Variants in NCOA2 observed in about 807,000 individuals in gnomAD.
NCOA2 encodes the protein nuclear receptor coactivator 2.
Under a neutral mutation model 145.1 loss-of-function variants are expected in NCOA2, and 21 were observed. That is an observed-to-expected ratio of 0.14 (90% CI 0.10 to 0.21). The LOEUF is 0.21. Among genes scored for constraint, NCOA2 ranks in the 10% least tolerant of loss-of-function variants. The pLI, the probability that NCOA2 is intolerant of heterozygous loss-of-function variation, is 1.00. For missense variants in NCOA2, 1,472 were observed against 1,837.6 expected (o/e 0.80, Z 3.64); for synonymous variants, 619 against 637.5 (o/e 0.97, Z 0.44).
At chr8:70,338,105 A>C (rs1311711047) in intron 1 of NCOA2, among the ~76,000 whole-genome samples, 1 of 151,606 alleles carries the variant, frequency 6.6e-6, no homozygotes, top group African/African-American at 2.4e-5. Context: ...CAATTGAAGG[A>C]GATAGAGACA....
intron 2 of NCOA2, among the ~76,000 whole-genome samples, chr8:70,222,485 C>G (rs1820237459): frequency 6.6e-6 from 1 of 152,192 alleles, no homozygotes; most frequent in Non-Finnish European, 1.5e-5. Context: ...ATTCCTTCCT[C>G]TCAGTATCGT....
chr8:70,243,507 T>G (rs548958683), intron 2 of NCOA2, among the ~76,000 whole-genome samples: 138 of 152,178 alleles, frequency 9.1e-4, no homozygotes, highest in African/African-American at 3.0e-3. Context: ...TGGCTTGTAA[T>G]AATAATAGGT....
At chr8:70,365,795 G>A (rs1171414572) in intron 1 of NCOA2, among the ~76,000 whole-genome samples, 1 of 152,060 alleles carries the variant, frequency 6.6e-6, no homozygotes, top group African/African-American at 2.4e-5. Context: ...AATGAAAAGG[G>A]AGAAAAAAGA....
At chr8:70,234,825 A>T (rs1402995527) in intron 2 of NCOA2, among the ~76,000 whole-genome samples, 1 of 152,222 alleles carries the variant, frequency 6.6e-6, no homozygotes, top group Admixed American at 6.5e-5. Context: ...CAACTTTTCC[A>T]AAATGTCACT....
chr8:70,119,067 G>A (rs911361066), intron 22 of NCOA2, among the ~76,000 whole-genome samples: 2 of 152,112 alleles, frequency 1.3e-5, no homozygotes, highest in Non-Finnish European at 2.9e-5. Context: ...AATGCATAGT[G>A]AGGGATCAAG....
At chr8:70,442,120 A>AAAGAAAGAAAGAAAG in the NCOA2 span, among the ~76,000 whole-genome samples, 54 of 91,670 alleles carry the variant, frequency 5.9e-4, no homozygotes, top group East Asian at 4.6e-3. Flanking sequence ...AAGAAAGAAG[A>AAAGAAAGAAAGAAAG]AAGAAAGAAA....
intron 1 of NCOA2, among the ~76,000 whole-genome samples, chr8:70,317,134 T>A (rs1200038238): frequency 6.6e-6 from 1 of 152,224 alleles, no homozygotes; most frequent in African/African-American, 2.4e-5. Context: ...AATGAGTGGC[T>A]ATGATTGCAG....
intron 12 of NCOA2, among the ~76,000 whole-genome samples, chr8:70,145,210 T>A (rs1234752027): frequency 2.0e-5 from 3 of 152,222 alleles, no homozygotes; most frequent in Admixed American, 6.5e-5. Context: ...CAAGCTAGAG[T>A]GCAATGGCAC....
intron 4 of NCOA2, among the ~76,000 whole-genome samples, chr8:70,206,737 C>T (rs529361413): frequency 8.5e-5 from 13 of 152,296 alleles, no homozygotes; most frequent in Admixed American, 3.3e-4. Context: ...GCCTCAAATC[C>T]AACCAAGTGC....
the NCOA2 span, among the ~76,000 whole-genome samples, chr8:70,446,859 T>C: frequency 6.6e-6 from 1 of 152,234 alleles, no homozygotes; most frequent in Non-Finnish European, 1.5e-5. Flanking sequence ...CAAGATTTGA[T>C]GTTCACCCCA....
intron 4 of NCOA2, among the ~76,000 whole-genome samples, chr8:70,179,620 T>C (rs1045058835): frequency 3.3e-5 from 5 of 152,222 alleles, no homozygotes; most frequent in African/African-American, 7.2e-5. Context: ...AAACACACTA[T>C]TAAATATTTT....
At chr8:70,440,331 G>A in the NCOA2 span, among the ~76,000 whole-genome samples, 1 of 152,154 alleles carries the variant, frequency 6.6e-6, no homozygotes, top group African/African-American at 2.4e-5. Flanking sequence ...TAGCAGTGGT[G>A]GCTCACGCCT....
At chr8:70,246,573 T>C (rs1455750646) in intron 2 of NCOA2, among the ~76,000 whole-genome samples, 1 of 152,156 alleles carries the variant, frequency 6.6e-6, no homozygotes, top group Non-Finnish European at 1.5e-5. Context: ...TGGTAAAATA[T>C]ACATAACACA....
intron 2 of NCOA2, among the ~76,000 whole-genome samples, chr8:70,287,811 A>G (rs1826347981): frequency 6.6e-6 from 1 of 152,220 alleles, no homozygotes; most frequent in African/African-American, 2.4e-5. Flanking sequence ...CCCTCACTGT[A>G]GAGAAAATGG....
intron 1 of NCOA2, among the ~76,000 whole-genome samples, chr8:70,397,133 T>C (rs1334505952): frequency 3.9e-5 from 6 of 152,158 alleles, no homozygotes; most frequent in Non-Finnish European, 8.8e-5. Flanking sequence ...TATGTTATCA[T>C]TGTTACTCTT....
intron 2 of NCOA2, among the ~76,000 whole-genome samples, chr8:70,291,884 G>C (rs1201662613): frequency 6.6e-6 from 1 of 152,024 alleles, no homozygotes; most frequent in African/African-American, 2.4e-5. Context: ...CGGATCACAA[G>C]GTCAGTAGAT....
chr8:70,378,865 C>T (rs897673092), intron 1 of NCOA2, among the ~76,000 whole-genome samples: 2 of 152,022 alleles, frequency 1.3e-5, no homozygotes, highest in Admixed American at 6.5e-5. Context: ...ATGTACCAGG[C>T]ACTGTTGTCA....
intron 4 of NCOA2, among the ~76,000 whole-genome samples, chr8:70,198,691 G>A (rs1407072561): frequency 2.0e-5 from 3 of 152,196 alleles, no homozygotes; most frequent in African/African-American, 7.2e-5. Context: ...TAAATTGGCT[G>A]ATTGTGGGGA....
chr8:70,316,059 T>C (rs1805561457), intron 1 of NCOA2, among the ~76,000 whole-genome samples: 1 of 152,200 alleles, frequency 6.6e-6, no homozygotes, highest in Non-Finnish European at 1.5e-5. Flanking sequence ...GCTGAAGTAC[T>C]GCAGTACATG....
Sources: gnomAD v4.1 joint callset for allele counts (sites outside exome capture counted in the v4.1 genomes callset) on GRCh38, gnomAD v4.1.1 for gene constraint, MANE v1.5 for transcripts, NCBI Gene and HGNC (gene_info 2026-07-23, HGNC 2026-07-21) for gene names.